PLXDC2: variants seen among roughly 807,000 people sequenced by gnomAD.
The protein encoded by PLXDC2 is plexin domain containing 2.
Under a neutral mutation model 68.9 loss-of-function variants are expected in PLXDC2, and 40 were observed. That is an observed-to-expected ratio of 0.58 (90% CI 0.45 to 0.76). PLXDC2 has a LOEUF of 0.76. PLXDC2 is among the 30% of genes least tolerant of loss of function. The pLI, the probability that PLXDC2 is intolerant of heterozygous loss-of-function variation, is 0.00. For missense variants in PLXDC2, 644 were observed against 661.9 expected (o/e 0.97, Z 0.30); for synonymous variants, 243 against 234.2 (o/e 1.04, Z -0.34).
intron 6 of PLXDC2, among the ~76,000 whole-genome samples, chr10:20,152,387 A>T (rs946474585): frequency 1.3e-5 from 2 of 152,096 alleles, no homozygotes; most frequent in Non-Finnish European, 2.9e-5. Context: ...TTAAGTAATT[A>T]AGTTATTTTT....
intron 9 of PLXDC2, among the ~76,000 whole-genome samples, chr10:20,194,768 T>C: frequency 6.8e-6 from 1 of 147,786 alleles, no homozygotes; most frequent in Admixed American, 6.8e-5. Flanking sequence ...GTATATCTCC[T>C]AATGCTATCC....
intron 6 of PLXDC2, among the ~76,000 whole-genome samples, chr10:20,162,106 A>T (rs1032740021): frequency 1.3e-5 from 2 of 148,156 alleles, no homozygotes; most frequent in Non-Finnish European, 3.0e-5. Context: ...GAAGGAAGGA[A>T]GGAAGGAAGG....
chr10:20,213,051 A>C (rs1211891930), intron 10 of PLXDC2, among the ~76,000 whole-genome samples: 1 of 152,096 alleles, frequency 6.6e-6, no homozygotes, highest in Non-Finnish European at 1.5e-5. Context: ...TTATCAATTT[A>C]ATCTGTCAAA....
At chr10:20,096,259 G>T (rs910097114) in intron 4 of PLXDC2, among the ~76,000 whole-genome samples, 3 of 152,062 alleles carry the variant, frequency 2.0e-5, no homozygotes, top group Non-Finnish European at 4.4e-5. Flanking sequence ...AATGATTTGG[G>T]CATGACTCCT....
intron 2 of PLXDC2, among the ~76,000 whole-genome samples, chr10:20,022,973 G>A (rs1028775222): frequency 1.3e-4 from 20 of 151,438 alleles, no homozygotes; most frequent in African/African-American, 4.9e-4. Flanking sequence ...CTCCAAAGGG[G>A]GAGACAAACA....
At chr10:19,840,176 A>G (rs1229993303) in intron 1 of PLXDC2, among the ~76,000 whole-genome samples, 2 of 152,112 alleles carry the variant, frequency 1.3e-5, no homozygotes, top group Non-Finnish European at 1.5e-5. Flanking sequence ...GTTAATATCT[A>G]TATATAGTTG....
chr10:19,957,522 A>G (rs987924438), intron 1 of PLXDC2, among the ~76,000 whole-genome samples: 3 of 152,274 alleles, frequency 2.0e-5, no homozygotes. Context: ...TACGCTGGAA[A>G]TATCTTCTTC....
At chr10:19,917,597 T>C (rs1242068842) in intron 1 of PLXDC2, among the ~76,000 whole-genome samples, 1 of 152,222 alleles carries the variant, frequency 6.6e-6, no homozygotes, top group Non-Finnish European at 1.5e-5. Flanking sequence ...AGCACATATG[T>C]TCAGTCTGAA....
At chr10:19,952,019 C>A (rs920984063) in intron 1 of PLXDC2, among the ~76,000 whole-genome samples, 8 of 152,094 alleles carry the variant, frequency 5.3e-5, no homozygotes, top group African/African-American at 1.9e-4. Context: ...GAAGGGGAGC[C>A]AGAGGTGACA....
chr10:20,131,932 A>G (rs1329620130), intron 4 of PLXDC2, among the ~76,000 whole-genome samples: 1 of 151,636 alleles, frequency 6.6e-6, no homozygotes, highest in African/African-American at 2.4e-5. Context: ...GAGGTGTCAT[A>G]TTAGGTTGCT....
chr10:20,249,191 A>G (rs1427741418), intron 13 of PLXDC2, among the ~76,000 whole-genome samples: 1 of 152,164 alleles, frequency 6.6e-6, no homozygotes, highest in Non-Finnish European at 1.5e-5. Context: ...TCTATTCAAC[A>G]TTCATTCAAT....
intron 4 of PLXDC2, among the ~76,000 whole-genome samples, chr10:20,104,779 G>A (rs1431501581): frequency 6.6e-6 from 1 of 151,980 alleles, no homozygotes; most frequent in Non-Finnish European, 1.5e-5. Context: ...CAGGCCGGGT[G>A]TGGTGTCTCA....
chr10:20,045,329 C>G (rs113953206), intron 2 of PLXDC2, among the ~76,000 whole-genome samples: 2,695 of 152,230 alleles, frequency 0.018, 78 homozygotes, highest in African/African-American at 0.061. Flanking sequence ...CGCCACTGCA[C>G]CCGGCTAATT....
At chr10:19,818,037 A>G (rs1301390953) in intron 1 of PLXDC2, among the ~76,000 whole-genome samples, 1 of 152,120 alleles carries the variant, frequency 6.6e-6, no homozygotes, top group East Asian at 1.9e-4. Flanking sequence ...CCTACTCCCC[A>G]TTTCTGCCTT....
intron 2 of PLXDC2, among the ~76,000 whole-genome samples, chr10:20,042,128 C>G (rs1031703882): frequency 1.3e-5 from 2 of 152,054 alleles, no homozygotes; most frequent in Non-Finnish European, 2.9e-5. Flanking sequence ...TGTGTCCTGA[C>G]TGGTAATTTA....
chr10:20,143,560 C>G (rs911473079), intron 5 of PLXDC2, 143 bp downstream of exon 5: 9 of 985,314 alleles, frequency 9.1e-6, no homozygotes, highest in Non-Finnish European at 1.3e-5. Context: ...AAATATTATA[C>G]TGCTAAGATT....
chr10:19,860,653 A>G (rs1837301639), intron 1 of PLXDC2, among the ~76,000 whole-genome samples: 1 of 152,164 alleles, frequency 6.6e-6, no homozygotes, highest in Non-Finnish European at 1.5e-5. Flanking sequence ...ATCATCAATA[A>G]ATATCTACTA....
At chr10:19,818,883 G>A (rs1421961422) in intron 1 of PLXDC2, among the ~76,000 whole-genome samples, 3 of 152,106 alleles carry the variant, frequency 2.0e-5, no homozygotes, top group Admixed American at 1.3e-4. Context: ...GTGTGCCAAT[G>A]TGCATCCCAA....
At chr10:19,934,931 C>A (rs1429982277) in intron 1 of PLXDC2, among the ~76,000 whole-genome samples, 1 of 152,170 alleles carries the variant, frequency 6.6e-6, no homozygotes, top group Non-Finnish European at 1.5e-5. Flanking sequence ...TCTCATGTAT[C>A]TCAGGAGATG....
Sources: gnomAD v4.1 joint callset for allele counts (sites outside exome capture counted in the v4.1 genomes callset) on GRCh38, gnomAD v4.1.1 for gene constraint, MANE v1.5 for transcripts, NCBI Gene and HGNC (gene_info 2026-07-23, HGNC 2026-07-21) for gene names.